JAZF1: variants seen among roughly 807,000 people sequenced by gnomAD.
JAZF1 encodes JAZF zinc finger 1.
JAZF1 carries 8 observed loss-of-function variants against 26.4 expected under a neutral mutation model. The ratio of observed to expected loss-of-function variants is 0.30; its 90% confidence interval spans 0.18 to 0.55. The LOEUF (loss-of-function observed/expected upper bound fraction) is 0.55, where lower values mean the gene tolerates loss of function less well. Ranked by LOEUF, JAZF1 falls within the 20% of genes least tolerant of loss-of-function variation. The pLI is 0.94. For synonymous variants in JAZF1, 126 were observed against 122.3 expected (o/e 1.03, Z -0.20); for missense variants, 199 against 322.0 (o/e 0.62, Z 2.92).
intron 1 of JAZF1, among the ~76,000 whole-genome samples, chr7:28,130,330 C>T (rs981429686): frequency 2.0e-5 from 3 of 152,078 alleles, no homozygotes; most frequent in African/African-American, 4.8e-5. Context: ...CTCCCCCCAA[C>T]AAAAATGTTT....
At chr7:28,142,781 T>C (rs1051410834) in intron 1 of JAZF1, among the ~76,000 whole-genome samples, 3 of 152,106 alleles carry the variant, frequency 2.0e-5, no homozygotes, top group Non-Finnish European at 4.4e-5. Context: ...CAACCTAGCA[T>C]GAGATGCAGG....
At chr7:27,964,108 T>C (rs1785232848) in intron 2 of JAZF1, among the ~76,000 whole-genome samples, 1 of 152,182 alleles carries the variant, frequency 6.6e-6, no homozygotes, top group South Asian at 2.1e-4. Context: ...CCCTTGGAAA[T>C]GTTTAATGAA....
chr7:28,024,427 A>G (rs1783059325), intron 1 of JAZF1, among the ~76,000 whole-genome samples: 1 of 152,214 alleles, frequency 6.6e-6, no homozygotes, highest in African/African-American at 2.4e-5. Flanking sequence ...CCAAGGGTGG[A>G]GAAAGGAGGA....
intron 3 of JAZF1, among the ~76,000 whole-genome samples, chr7:27,867,547 G>A (rs1783495752): frequency 6.6e-6 from 1 of 152,216 alleles, no homozygotes. Context: ...CTTCCTAAGA[G>A]CACCAGCAGT....
In JAZF1 at chr7:28,092,290, C is replaced by CCAAAAAAAAAAAAAAA. The variant is rs1784310777; in HGVS notation, c.115+88172_115+88173insTTTTTTTTTTTTTTTG. 3.9e-4 allele frequency among the ~76,000 whole-genome samples: 5 copies of CCAAAAAAAAAAAAAAA among 12,802 alleles called. 1 individual carries two copies. Among genetic ancestry groups the CCAAAAAAAAAAAAAAA allele is most frequent in the African/African-American group, 8.6e-4 (4 of 4,646 alleles). 8.4% of individuals were successfully genotyped at this position (12,802 alleles called of 152,430 possible). ...AACATCCCATTTCAGGGACAAAAGG[C>CCAAAAAAAAAAAAAAA]AAAAAAAAAAAAAAAAAAAAAAAAA... On this transcript the variant is annotated intron_variant, in intron 1 of 4. Transcript: ENST00000283928.
chr7:27,902,911 G>A (rs1324322843), intron 2 of JAZF1, among the ~76,000 whole-genome samples: 1 of 151,830 alleles, frequency 6.6e-6, no homozygotes, highest in Non-Finnish European at 1.5e-5. Flanking sequence ...AGCTACTCAG[G>A]AGGCTGAGGC....
intron 1 of JAZF1, among the ~76,000 whole-genome samples, chr7:28,075,199 A>T (rs1052202482): frequency 6.6e-6 from 1 of 152,040 alleles, no homozygotes. Flanking sequence ...AACAGCATCT[A>T]CCCCACAGGG....
At chr7:27,926,008 C>G (rs1784597097) in intron 2 of JAZF1, among the ~76,000 whole-genome samples, 1 of 152,206 alleles carries the variant, frequency 6.6e-6, no homozygotes, top group Admixed American at 6.5e-5. Context: ...GTGAACCACT[C>G]TGCATGAATG....
At chr7:28,159,235 C>T (rs868757444) in intron 1 of JAZF1, among the ~76,000 whole-genome samples, 8 of 151,818 alleles carry the variant, frequency 5.3e-5, no homozygotes, top group South Asian at 2.1e-4. Context: ...ATAGGAAAAC[C>T]CAGGGAAGTA....
At position 27,888,836 on chromosome 7, in the gene JAZF1, T is replaced by C. The variant is rs572053708; in HGVS notation, c.385+6384A>G. Among the ~76,000 whole-genome samples, 59 of 152,100 alleles carry C rather than the reference T, an allele frequency of 3.9e-4. No individual in the cohort carries two copies. The South Asian group carries it at 8.3e-3, about 21-fold the overall frequency. Reference sequence around the variant, plus strand: ...TTTCTCTGGTTTAATACTTGAATTTTCCCCCCCAGAGTGCGCCAAAATATA... The same window carrying C: ...TTTCTCTGGTTTAATACTTGAATTTCCCCCCCCAGAGTGCGCCAAAATATA... On this transcript the variant is annotated intron_variant, in intron 3 of 4. Coordinates refer to ENST00000283928, the MANE Select transcript of JAZF1 (RefSeq NM_175061.4).
At chr7:27,886,043 G>A (rs1783856104) in intron 3 of JAZF1, among the ~76,000 whole-genome samples, 1 of 152,162 alleles carries the variant, frequency 6.6e-6, no homozygotes, top group Non-Finnish European at 1.5e-5. Flanking sequence ...AACACATGGG[G>A]CTTATTTACT....
chr7:28,075,294 C>T (rs1446409355), intron 1 of JAZF1, among the ~76,000 whole-genome samples: 1 of 152,160 alleles, frequency 6.6e-6, no homozygotes, highest in Admixed American at 6.5e-5. Context: ...CCCAGCATCC[C>T]TTAATACCAG....
At chr7:27,845,491 G>C (rs1417718751) in intron 3 of JAZF1, among the ~76,000 whole-genome samples, 1 of 152,124 alleles carries the variant, frequency 6.6e-6, no homozygotes, top group African/African-American at 2.4e-5. Flanking sequence ...GAGGTCAGGA[G>C]TTTGAGACCA....
chr7:28,088,578 T>C lies in JAZF1; in HGVS notation c.115+91885A>G, dbSNP rs74696655. On this transcript the variant is annotated intron_variant, in intron 1 of 4. Transcript: ENST00000283928. ...CAGGGATCAAAGTCAGAGATGTGTG[T>C]GATGAAGTGTAGCTAGGTTTGTTTA... 4.9e-4 allele frequency among the ~76,000 whole-genome samples: 75 copies of C among 152,308 alleles called. 2 individuals are homozygous for C. In the East Asian group the frequency reaches 0.013, roughly 25 times the overall value.
At chr7:27,937,710 G>C (rs554644390) in intron 2 of JAZF1, among the ~76,000 whole-genome samples, 8 of 152,098 alleles carry the variant, frequency 5.3e-5, no homozygotes, top group Non-Finnish European at 8.8e-5. Flanking sequence ...CTATGAAAAA[G>C]CTTTATATTC....
intron 2 of JAZF1, among the ~76,000 whole-genome samples, chr7:27,934,197 T>C (rs1179009027): frequency 1.3e-5 from 2 of 152,176 alleles, no homozygotes. Flanking sequence ...AGGATACTCA[T>C]TGGATAATGT....
chr7:27,900,941 T>C (rs1784152927), intron 2 of JAZF1, among the ~76,000 whole-genome samples: 1 of 152,016 alleles, frequency 6.6e-6, no homozygotes, highest in Non-Finnish European at 1.5e-5. Flanking sequence ...ATTCAGCTTA[T>C]GAAAAGAATT....
At chr7:28,066,524 A>G (rs1215624842) in intron 1 of JAZF1, among the ~76,000 whole-genome samples, 1 of 149,944 alleles carries the variant, frequency 6.7e-6, no homozygotes, top group Non-Finnish European at 1.5e-5. Context: ...AATTGCTTGA[A>G]TCCAGGAGGC....
chr7:27,958,482 G>A (rs1220787237), intron 2 of JAZF1, among the ~76,000 whole-genome samples: 3 of 152,226 alleles, frequency 2.0e-5, no homozygotes, highest in Non-Finnish European at 2.9e-5. Context: ...AACCTTGACA[G>A]CAGTCTAATA....
Sources: allele counts gnomAD v4.1 joint callset (sites outside exome capture counted in the v4.1 genomes callset), GRCh38; gene constraint gnomAD v4.1.1; transcripts MANE v1.5; gene names NCBI Gene and HGNC (gene_info 2026-07-23, HGNC 2026-07-21).